The following NREP variants were observed in gnomAD, a reference collection of about 807,000 sequenced individuals.
The protein encoded by NREP is neuronal regeneration-related protein.
A neutral mutation model predicts 8.6 loss-of-function variants in NREP; 5 were observed. The ratio of observed to expected loss-of-function variants is 0.58; its 90% CI spans 0.30 to 1.22. The LOEUF (loss-of-function observed/expected upper bound fraction) is 1.22. Among genes scored for constraint, NREP ranks in the 50% most tolerant of loss-of-function variants. NREP has a pLI of 0.07. For missense variants in NREP, 86 were observed against 82.5 expected (o/e 1.04, Z -0.17); for synonymous variants, 27 against 28.0 (o/e 0.96, Z 0.11).
At chr5:111,759,088 G>A (rs756910815), upstream of NREP, among the ~76,000 whole-genome samples, 4 of 152,198 alleles carry the variant, frequency 2.6e-5, no homozygotes, top group Non-Finnish European at 5.9e-5. Context: ...GGGAAGTACT[G>A]GAAGGAAGGT....
chr5:111,844,853 G>C (rs1753120450), intron 2 of NREP, among the ~76,000 whole-genome samples: 1 of 151,112 alleles, frequency 6.6e-6, no homozygotes, highest in Admixed American at 6.6e-5. Context: ...CAAATTGTGT[G>C]AATTGTGCAT....
chr5:111,861,177 C>G (rs537301867), intron 2 of NREP, among the ~76,000 whole-genome samples: 1 of 152,230 alleles, frequency 6.6e-6, no homozygotes, highest in Middle Eastern at 3.4e-3. Flanking sequence ...GTACAGAGAT[C>G]AGGAAGTTTC....
intron 2 of NREP, among the ~76,000 whole-genome samples, chr5:111,877,467 T>A (rs1428174350): frequency 6.6e-6 from 1 of 152,184 alleles, no homozygotes; most frequent in South Asian, 2.1e-4. Flanking sequence ...AAAATAGAGA[T>A]TTGCTTGCTG....
intron 2 of NREP, among the ~76,000 whole-genome samples, chr5:111,849,106 A>T (rs1227053928): frequency 6.6e-6 from 1 of 152,154 alleles, no homozygotes; most frequent in African/African-American, 2.4e-5. Context: ...GCAGATTTGG[A>T]TAAGTGGTAC....
At chr5:111,975,232 G>C (rs1224740205) in intron 2 of NREP, 1 of 1,437,012 alleles carries the variant, frequency 7.0e-7, no homozygotes, top group South Asian at 1.2e-5. Flanking sequence ...ACTTGAACTA[G>C]CTTAACAAAC....
At chr5:111,751,861 G>A (rs972286284) in intron 2 of NREP, among the ~76,000 whole-genome samples, 2 of 152,060 alleles carry the variant, frequency 1.3e-5, no homozygotes, top group Admixed American at 6.5e-5. Context: ...TGGCTATGAG[G>A]ATATGGCCTT....
At chr5:111,815,405 C>G (rs1352009598) in intron 2 of NREP, among the ~76,000 whole-genome samples, 1 of 152,096 alleles carries the variant, frequency 6.6e-6, no homozygotes, top group Non-Finnish European at 1.5e-5. Flanking sequence ...AGGTATAAAA[C>G]TATCTACAGC....
intron 1 of NREP, among the ~76,000 whole-genome samples, chr5:111,976,019 AC>A (rs1339368921): frequency 6.6e-6 from 1 of 152,088 alleles, no homozygotes; most frequent in Non-Finnish European, 1.5e-5. Flanking sequence ...TTAGAGTGAA[AC>A]CTTTTTATAA....
chr5:111,858,295 C>G (rs1213497051), intron 2 of NREP, among the ~76,000 whole-genome samples: 1 of 152,088 alleles, frequency 6.6e-6, no homozygotes, highest in African/African-American at 2.4e-5. Context: ...CCTCCCTCCC[C>G]TGCAGTAAGG....
At chr5:111,819,957 T>C (rs1027555176) in intron 2 of NREP, among the ~76,000 whole-genome samples, 2 of 152,166 alleles carry the variant, frequency 1.3e-5, no homozygotes, top group Non-Finnish European at 2.9e-5. Context: ...CTTTCAGTAA[T>C]TTAAAAAAAT....
chr5:111,895,867 G>A (rs777765686), intron 2 of NREP, among the ~76,000 whole-genome samples: 9 of 152,184 alleles, frequency 5.9e-5, no homozygotes, highest in Non-Finnish European at 1.3e-4. Flanking sequence ...CTTAGAAGGA[G>A]GAGTGATGGG....
chr5:111,912,218 C>A (rs968798968), intron 2 of NREP, among the ~76,000 whole-genome samples: 2 of 151,910 alleles, frequency 1.3e-5, no homozygotes, highest in Non-Finnish European at 2.9e-5. Context: ...ACCCTTTTTT[C>A]ATCATGCTCT....
chr5:111,912,940 A>G (rs1401848397), intron 2 of NREP, among the ~76,000 whole-genome samples: 1 of 152,160 alleles, frequency 6.6e-6, no homozygotes, highest in Non-Finnish European at 1.5e-5. Context: ...AAAGTGTTTA[A>G]GAAATATTTG....
intron 2 of NREP, among the ~76,000 whole-genome samples, chr5:111,975,065 G>T (rs1756923678): frequency 6.6e-6 from 1 of 152,232 alleles, no homozygotes; most frequent in African/African-American, 2.4e-5. Flanking sequence ...GGAATGAAGT[G>T]ATGGCAGTTA....
At chr5:111,939,753 A>C (rs1755780075) in intron 2 of NREP, among the ~76,000 whole-genome samples, 1 of 152,058 alleles carries the variant, frequency 6.6e-6, no homozygotes, top group Admixed American at 6.6e-5. Context: ...AGTGTAATAC[A>C]GAAACTCTAT....
chr5:111,757,983 G>A (rs1036007108), upstream of NREP: 1 of 985,382 alleles, frequency 1.0e-6, no homozygotes, highest in Middle Eastern at 5.2e-4. Flanking sequence ...GGACGGCGAC[G>A]GGCGGCAGCC....
chr5:111,794,606 A>C (rs1410732768), intron 2 of NREP, among the ~76,000 whole-genome samples: 1 of 152,226 alleles, frequency 6.6e-6, no homozygotes, highest in Non-Finnish European at 1.5e-5. Flanking sequence ...TTTCAACTAC[A>C]TGACATTCTG....
intron 2 of NREP, among the ~76,000 whole-genome samples, chr5:111,858,732 A>G (rs1753480240): frequency 6.6e-6 from 1 of 152,178 alleles, no homozygotes; most frequent in African/African-American, 2.4e-5. Flanking sequence ...AATGAGTCTA[A>G]GACTAAATAT....
intron 1 of NREP, chr5:111,975,464 A>T: frequency 1.2e-6 from 1 of 852,866 alleles, no homozygotes; most frequent in Non-Finnish European, 1.9e-6. Flanking sequence ...AGAGAGGAGG[A>T]GAATGGGCAT....
Sources: allele counts gnomAD v4.1 joint callset (sites outside exome capture counted in the v4.1 genomes callset), GRCh38; gene constraint gnomAD v4.1.1; transcripts MANE v1.5; gene names NCBI Gene and HGNC (gene_info 2026-07-23, HGNC 2026-07-21).